The following SPON1 variants were observed in gnomAD, a reference collection of about 807,000 sequenced individuals.
The protein encoded by SPON1 is spondin 1.
SPON1 carries 52 observed loss-of-function variants against 111.7 expected under a neutral mutation model. The observed-to-expected ratio is 0.47, with a 90% confidence interval of 0.37 to 0.59. The LOEUF is 0.59. Among genes scored for constraint, SPON1 ranks in the 20% least tolerant of loss-of-function variants. The pLI, the probability that SPON1 is intolerant of heterozygous loss-of-function variation, is 0.00. For missense variants in SPON1, 957 were observed against 1,068.5 expected (o/e 0.90, Z 1.46); for synonymous variants, 410 against 395.8 (o/e 1.04, Z -0.43).
intron 5 of SPON1, among the ~76,000 whole-genome samples, chr11:14,109,112 T>C (rs1591377817): frequency 2.6e-5 from 4 of 152,322 alleles, no homozygotes; most frequent in Admixed American, 2.6e-4. Context: ...TTCCCCACAC[T>C]GGACTGGTTC....
At chr11:13,971,292 A>G (rs1216461313) in intron 1 of SPON1, among the ~76,000 whole-genome samples, 1 of 152,228 alleles carries the variant, frequency 6.6e-6, no homozygotes, top group Admixed American at 6.5e-5. Flanking sequence ...CTGCTGTGGC[A>G]TGAAAAGCAG....
Position 14,189,820 on chromosome 11 carries a change from A to G in SPON1, c.826-53512A>G, listed in dbSNP as rs1290198766. Among the ~76,000 whole-genome samples, 3 of 152,328 alleles carry G rather than the reference A, an allele frequency of 2.0e-5. No individual in the cohort carries two copies. In the South Asian group the frequency reaches 6.2e-4, roughly 32 times the overall value. On this transcript the variant is annotated intron_variant, in intron 6 of 15. Transcript: ENST00000576479. ...CTTGACTGCTTCGTGGAATCCCTCA[A>G]GAGAAGACTAAAATGTTATTAAACT...
At chr11:14,174,554 T>TC (rs767355669) in intron 6 of SPON1, among the ~76,000 whole-genome samples, 227 of 151,698 alleles carry the variant, frequency 1.5e-3, no homozygotes, top group Non-Finnish European at 2.5e-3. Context: ...GTTTTTTTTT[T>TC]CCCCAAAATG....
intron 2 of SPON1, among the ~76,000 whole-genome samples, chr11:14,037,566 C>A (rs1203333292): frequency 1.3e-5 from 2 of 151,478 alleles, no homozygotes; most frequent in African/African-American, 4.8e-5. Flanking sequence ...CCTTACACCC[C>A]TCACAAAAAT....
intron 7 of SPON1, among the ~76,000 whole-genome samples, chr11:14,247,889 G>T (rs1849009799): frequency 6.6e-6 from 1 of 152,208 alleles, no homozygotes; most frequent in South Asian, 2.1e-4. Context: ...CAAGAATTCT[G>T]CACTGAGATC....
intron 1 of SPON1, among the ~76,000 whole-genome samples, chr11:13,967,230 A>T (rs1848024490): frequency 6.6e-6 from 1 of 152,232 alleles, no homozygotes; most frequent in South Asian, 2.1e-4. Context: ...TTAGTTGGGA[A>T]TAGAATGAAA....
Position 13,963,074 on chromosome 11 carries a change from G to T in SPON1, c.170G>T (p.Gly57Val), listed in dbSNP as rs1169626821. Residue 57 changes from glycine to valine, a missense_variant, in exon 1 of 16, where the codon GGC (glycine) becomes GTC (valine). By Grantham distance (109) the Gly-to-Val change is moderately radical. Coordinates refer to ENST00000576479, the MANE Select transcript of SPON1 (RefSeq NM_006108.4). ...CGCGCCCAGGGCACGCGGCGCGAGG[G>T]CTACACCGAGTTCAGCCTCCGCGTG... is the stretch of plus-strand genomic sequence containing the variant. ...ILRAQGTRREGYTEFSLRVEG... is the reference protein window; with the variant it reads ...ILRAQGTRREVYTEFSLRVEG... 1.3e-6 allele frequency: 2 copies of T among 1,569,900 alleles called. No individual in the cohort carries two copies. Among genetic ancestry groups the T allele is most frequent in the Non-Finnish European group, 8.6e-7 (1 of 1,160,210 alleles).
chr11:13,972,654 C>T (rs1156500065), intron 1 of SPON1, among the ~76,000 whole-genome samples: 1 of 152,186 alleles, frequency 6.6e-6, no homozygotes, highest in African/African-American at 2.4e-5. Flanking sequence ...GATCTGCTGT[C>T]ATCCCAATGA....
intron 6 of SPON1, among the ~76,000 whole-genome samples, chr11:14,160,135 C>G (rs2133873019): frequency 6.6e-6 from 1 of 151,202 alleles, no homozygotes; most frequent in African/African-American, 2.4e-5. Context: ...ATGGATGACC[C>G]AAATCATCTC....
At chr11:14,057,575 TACAC>T (rs1188911286) in intron 3 of SPON1, among the ~76,000 whole-genome samples, 1 of 152,098 alleles carries the variant, frequency 6.6e-6, no homozygotes, top group African/African-American at 2.4e-5. Context: ...TTGCAAGAAT[TACAC>T]AAAAAAAGTA....
At chr11:14,264,318 A>G (rs1467089541) in intron 15 of SPON1, among the ~76,000 whole-genome samples, 1 of 152,212 alleles carries the variant, frequency 6.6e-6, no homozygotes, top group African/African-American at 2.4e-5. Context: ...GGGGATGGCA[A>G]ACAGACACAG....
chr11:13,969,059 A>G (rs1848041923), intron 1 of SPON1, among the ~76,000 whole-genome samples: 2 of 152,146 alleles, frequency 1.3e-5, no homozygotes, highest in Admixed American at 6.5e-5. Context: ...CAACTTGACA[A>G]CATATAAACT....
At chr11:14,076,629 C>T (rs1554921470) in intron 4 of SPON1, among the ~76,000 whole-genome samples, 1 of 152,120 alleles carries the variant, frequency 6.6e-6, no homozygotes, top group Non-Finnish European at 1.5e-5. Context: ...GAGCCAATGC[C>T]CTTAACCATT....
rs1317532273 is a variant in SPON1, at chr11:14,262,438, G to C, written c.1997-274G>C. 7.8e-6 allele frequency: 4 copies of C among 513,214 alleles called. No individual in the cohort carries two copies. The East Asian group carries it at 1.1e-4, about 14-fold the overall frequency. The allele number at this position is 513,214 out of a possible 1,614,324, so 31.8% of individuals were successfully genotyped here. ...TTCACAGAGCAGGGCAAGAGGCTCT[G>C]AACACATCCTGAAAGTCCTCCAAAG... On this transcript the variant is annotated intron_variant, in intron 14 of 15. Transcript: ENST00000576479.
At chr11:14,233,111 T>C (rs964658654) in intron 6 of SPON1, among the ~76,000 whole-genome samples, 1 of 152,134 alleles carries the variant, frequency 6.6e-6, no homozygotes, top group Non-Finnish European at 1.5e-5. Flanking sequence ...TGCTGATGAC[T>C]TGGAGTTTAC....
intron 14 of SPON1, 122 bp downstream of exon 14, chr11:14,260,874 G>C: frequency 8.6e-7 from 1 of 1,157,224 alleles, no homozygotes; most frequent in Non-Finnish European, 1.2e-6. Context: ...GAAGAGTTTG[G>C]GGTTTGGCTT....
At chr11:14,254,408 G>A (rs966676420) in intron 7 of SPON1, 120 bp from the exon 8 acceptor site, 1 of 903,028 alleles carries the variant, frequency 1.1e-6, no homozygotes, top group Non-Finnish European at 1.7e-6. Flanking sequence ...AATTCAGTGG[G>A]AGACCACGAA....
chr11:14,248,643 C>T (rs1346307645), intron 7 of SPON1, among the ~76,000 whole-genome samples: 1 of 152,186 alleles, frequency 6.6e-6, no homozygotes, highest in Non-Finnish European at 1.5e-5. Flanking sequence ...AGGAAGCCTA[C>T]ATGCAGCCAA....
intron 3 of SPON1, among the ~76,000 whole-genome samples, chr11:14,056,910 CAATT>C (rs1848749034): frequency 1.3e-5 from 2 of 151,746 alleles, no homozygotes; most frequent in Admixed American, 6.6e-5. Context: ...ATTAATTAAT[CAATT>C]AAATAAAATA....
Sources: gnomAD v4.1 joint callset for allele counts (sites outside exome capture counted in the v4.1 genomes callset) on GRCh38, gnomAD v4.1.1 for gene constraint, MANE v1.5 for transcripts, NCBI Gene and HGNC (gene_info 2026-07-23, HGNC 2026-07-21) for gene names.